EVL: variants seen among roughly 807,000 people sequenced by gnomAD.
The protein encoded by EVL is Enah/Vasp-like.
In EVL, 21 loss-of-function variants were observed where a neutral mutation model predicts 59.6. The ratio of observed to expected loss-of-function variants is 0.35; its 90% confidence interval spans 0.25 to 0.51. EVL has a LOEUF of 0.51. Ranked by LOEUF, EVL falls within the 20% of genes least tolerant of loss-of-function variation. The pLI, the probability that EVL is intolerant of heterozygous loss-of-function variation, is 0.97. For missense variants in EVL, 462 were observed against 546.6 expected (o/e 0.85, Z 1.54); for synonymous variants, 198 against 203.5 (o/e 0.97, Z 0.23).
At chr14:100,035,390 TTC>T (rs1008983766) in intron 1 of EVL, among the ~76,000 whole-genome samples, 1 of 151,986 alleles carries the variant, frequency 6.6e-6, no homozygotes, top group Non-Finnish European at 1.5e-5. Flanking sequence ...GCCATCTGTT[TTC>T]TCTTTTTTTT....
At chr14:100,014,675 C>T (rs1445313032) in intron 1 of EVL, among the ~76,000 whole-genome samples, 2 of 152,126 alleles carry the variant, frequency 1.3e-5, no homozygotes, top group Non-Finnish European at 2.9e-5. Context: ...ATCATATGAA[C>T]ACTTTAGTTT....
intron 1 of EVL, among the ~76,000 whole-genome samples, chr14:100,070,956 G>A (rs1363913994): frequency 4.6e-5 from 7 of 152,216 alleles, no homozygotes; most frequent in East Asian, 1.9e-4. Flanking sequence ...AAAGGGCTAC[G>A]CCGGTGGCCT....
chr14:100,093,836 C>A (rs1885613448), intron 2 of EVL, among the ~76,000 whole-genome samples: 1 of 152,080 alleles, frequency 6.6e-6, no homozygotes, highest in Admixed American at 6.6e-5. Context: ...TTTCACATAC[C>A]CAAGATCCAC....
intron 2 of EVL, among the ~76,000 whole-genome samples, chr14:100,089,473 G>A (rs72711934): frequency 0.018 from 2,711 of 152,314 alleles, 34 homozygotes; most frequent in Non-Finnish European, 0.027. Context: ...GTAACAGAGG[G>A]TAACTTTTAA....
At chr14:100,138,153 A>G (rs1888931072) in intron 11 of EVL, 1 of 386,254 alleles carries the variant, frequency 2.6e-6, no homozygotes, top group African/African-American at 2.0e-5. Flanking sequence ...GAGGTCTGTT[A>G]ACCCCTGCTG....
At chr14:100,006,020 C>CA (rs1566967196) in intron 1 of EVL, among the ~76,000 whole-genome samples, 1 of 151,090 alleles carries the variant, frequency 6.6e-6, no homozygotes, top group East Asian at 1.9e-4. Flanking sequence ...CCCCCCCCCC[C>CA]CCCACACCGA....
At chr14:100,023,643 G>T (rs61984480) in intron 1 of EVL, among the ~76,000 whole-genome samples, 2 of 151,212 alleles carry the variant, frequency 1.3e-5, no homozygotes, top group African/African-American at 4.9e-5. Flanking sequence ...TTGTAATTTT[G>T]TAGAGACGGG....
At position 100,109,994 on chromosome 14, in the gene EVL, A is replaced by ATG. The variant is rs1886855882; in HGVS notation, c.358+12337_358+12338dup. ...CTCACAGGGTTGTTGTGAGGGTACC[A>ATG]TGAGATGATGTTTGTAAACATTCTT... is the stretch of plus-strand genomic sequence containing the variant. On this transcript the variant is annotated intron_variant, in intron 3 of 13. Transcript: ENST00000392920. This position sits in a 1 kb window ranked among gnomAD's most constrained non-coding sequence, Gnocchi z 4.3. Among the ~76,000 whole-genome samples, 4 of 152,384 alleles carry ATG rather than the reference A, an allele frequency of 2.6e-5. No homozygotes were observed. In the East Asian group the frequency reaches 5.8e-4, roughly 22 times the overall value.
intron 2 of EVL, among the ~76,000 whole-genome samples, chr14:100,095,936 C>CA: frequency 6.6e-6 from 1 of 152,256 alleles, no homozygotes; most frequent in East Asian, 1.9e-4. Flanking sequence ...CCATATTGGC[C>CA]AGGCTGATCT....
chr14:100,024,812 C>T lies in EVL; in HGVS notation c.5+52755C>T, dbSNP rs74084437. Among the ~76,000 whole-genome samples the T allele has an allele frequency of 0.012, 1,792 of 152,186 alleles. 81 individuals carry two copies. The East Asian group carries it at 0.16, about 13-fold the overall frequency. On this transcript the variant is annotated intron_variant, in intron 1 of 13. Transcript: ENST00000402714. The stretch of plus-strand genomic sequence containing the variant: ...TTAGGCATCTCAAACATGTCTAACA[C>T]GGTTCTCCAGCTCTTTCCTGTCCTT...
At chr14:100,039,954 C>CT in intron 1 of EVL, among the ~76,000 whole-genome samples, 1 of 152,246 alleles carries the variant, frequency 6.6e-6, no homozygotes, top group South Asian at 2.1e-4. Flanking sequence ...AATTTTTTAA[C>CT]TTTTTTGCAG....
At chr14:100,116,235 A>G (rs905968114) in intron 3 of EVL, among the ~76,000 whole-genome samples, 1 of 152,250 alleles carries the variant, frequency 6.6e-6, no homozygotes, top group Non-Finnish European at 1.5e-5. Context: ...CCCTCTGGAA[A>G]GAGGGAAAGG....
intron 3 of EVL, among the ~76,000 whole-genome samples, chr14:100,100,438 C>A (rs545074079): frequency 1.3e-5 from 2 of 152,136 alleles, no homozygotes; most frequent in African/African-American, 4.8e-5. Flanking sequence ...CAATACCATG[C>A]GCAGATAAGC....
intron 1 of EVL, among the ~76,000 whole-genome samples, chr14:99,976,135 C>T (rs1055068442): frequency 2.6e-5 from 4 of 152,014 alleles, no homozygotes; most frequent in Non-Finnish European, 5.9e-5. Context: ...CCCACCTTAG[C>T]CTCCCAAGTA....
chr14:100,128,952 C>T (rs1888261007), intron 6 of EVL, among the ~76,000 whole-genome samples: 4 of 152,198 alleles, frequency 2.6e-5, no homozygotes, highest in Non-Finnish European at 4.4e-5. Flanking sequence ...TTGAGCCTCA[C>T]GTTGACCTTC....
rs552434080 is a variant in EVL at position 100,033,141 on chromosome 14, G to C, written c.6-51546G>C. 9.2e-5 allele frequency among the ~76,000 whole-genome samples: 14 copies of C among 152,260 alleles called. No homozygotes were observed. In the South Asian group the frequency reaches 2.1e-3, roughly 23 times the overall value. On this transcript the variant is annotated intron_variant, in intron 1 of 13. Coordinates refer to the EVL transcript ENST00000402714. ...ATCAGCCGGAAAGACTAAAAGGGCC[G>C]AATGGTAGATTTTCAAAGCTGTAGG...
chr14:99,993,925 C>A (rs2060893599), intron 1 of EVL, among the ~76,000 whole-genome samples: 1 of 151,646 alleles, frequency 6.6e-6, no homozygotes, highest in South Asian at 2.1e-4. Context: ...AGCTCCTGAC[C>A]TCAGGTGATC....
Position 100,115,115 on chromosome 14 carries a change from ATTTG to A in EVL, c.359-8421_359-8418del, listed in dbSNP as rs1257692611. Among the ~76,000 whole-genome samples the A allele has an allele frequency of 3.9e-5, 6 of 151,962 alleles. No individual in the cohort carries two copies. The East Asian group carries it at 7.7e-4, about 19-fold the overall frequency. Reference sequence around the variant, plus strand: ...TAAGATGTGGCAGATTTTTATTGCTATTTGTTCTGTTTGAGGTTCATTTTAAGGT... The same window carrying A: ...TAAGATGTGGCAGATTTTTATTGCTATTCTGTTTGAGGTTCATTTTAAGGT... On this transcript the variant is annotated intron_variant, in intron 3 of 13. Transcript: ENST00000392920.
intron 5 of EVL, among the ~76,000 whole-genome samples, 179 bp downstream of exon 5, chr14:100,126,950 G>A (rs1053334145): frequency 1.3e-5 from 2 of 152,202 alleles, no homozygotes; most frequent in African/African-American, 4.8e-5. Context: ...GCAGAGGCTT[G>A]GGGAGTCTGC....
Sources: gnomAD v4.1 joint callset for allele counts (sites outside exome capture counted in the v4.1 genomes callset) on GRCh38, gnomAD v4.1.1 for gene constraint, Gnocchi (gnomAD v3.1) non-coding constraint, MANE v1.5 for transcripts, NCBI Gene and HGNC (gene_info 2026-07-23, HGNC 2026-07-21) for gene names.